The following COMMD10 variants were observed in gnomAD, a reference collection of about 807,000 sequenced individuals.
The protein encoded by COMMD10 is COMM domain-containing protein 10.
A neutral mutation model predicts 28.9 loss-of-function variants in COMMD10; 33 were observed. The observed-to-expected ratio is 1.14, with a 90% CI of 0.87 to 1.53. The LOEUF (loss-of-function observed/expected upper bound fraction) is 1.53. Among genes scored for constraint, COMMD10 ranks in the 40% most tolerant of loss-of-function variants. COMMD10 has a pLI of 0.00. For synonymous variants in COMMD10, 110 were observed against 81.7 expected, an observed-to-expected ratio of 1.35 and a Z score of -1.87; for missense variants, 310 against 233.4, an observed-to-expected ratio of 1.33 and a Z score of -2.14.
intron 5 of COMMD10, among the ~76,000 whole-genome samples, chr5:116,152,429 A>T (rs1320339295): frequency 6.6e-6 from 1 of 152,046 alleles, no homozygotes; most frequent in Non-Finnish European, 1.5e-5. Flanking sequence ...GCAGTGTGCC[A>T]ACTGTAAATG....
intron 4 of COMMD10, among the ~76,000 whole-genome samples, chr5:116,132,862 G>A (rs1015552599): frequency 1.3e-5 from 2 of 152,048 alleles, no homozygotes; most frequent in African/African-American, 2.4e-5. Context: ...TTATTATAGA[G>A]ATATTATAGA....
chr5:116,207,229 T>G (rs1237350864), intron 5 of COMMD10, among the ~76,000 whole-genome samples: 1 of 152,208 alleles, frequency 6.6e-6, no homozygotes, highest in Non-Finnish European at 1.5e-5. Context: ...AGGCATTTAA[T>G]TTTTAGGAGT....
At chr5:116,176,190 C>T (rs1170483721) in intron 5 of COMMD10, among the ~76,000 whole-genome samples, 1 of 152,192 alleles carries the variant, frequency 6.6e-6, no homozygotes, top group Non-Finnish European at 1.5e-5. Context: ...TGGTTCTCTG[C>T]AACCTCCACC....
At chr5:116,237,674 G>A (rs946763780) in intron 5 of COMMD10, among the ~76,000 whole-genome samples, 1 of 152,132 alleles carries the variant, frequency 6.6e-6, no homozygotes, top group Non-Finnish European at 1.5e-5. Flanking sequence ...TTTTTAAGCT[G>A]AAGTACTCTT....
At chr5:116,200,872 C>A (rs561445736) in intron 5 of COMMD10, among the ~76,000 whole-genome samples, 1 of 152,202 alleles carries the variant, frequency 6.6e-6, no homozygotes, top group Non-Finnish European at 1.5e-5. Context: ...TCTTATGATT[C>A]CAACATCCCT....
intron 5 of COMMD10, among the ~76,000 whole-genome samples, chr5:116,266,002 A>G (rs1282280827): frequency 6.6e-6 from 1 of 151,770 alleles, no homozygotes; most frequent in Non-Finnish European, 1.5e-5. Flanking sequence ...TGGCTCAAAT[A>G]TGGAAGACAT....
intron 5 of COMMD10, among the ~76,000 whole-genome samples, chr5:116,283,048 A>G (rs952624500): frequency 6.6e-6 from 1 of 151,862 alleles, no homozygotes; most frequent in African/African-American, 2.4e-5. Flanking sequence ...GACTAAGAAA[A>G]ATGTTATCCT....
At chr5:116,265,546 C>T (rs1055115081) in intron 5 of COMMD10, among the ~76,000 whole-genome samples, 1 of 151,666 alleles carries the variant, frequency 6.6e-6, no homozygotes, top group Non-Finnish European at 1.5e-5. Context: ...TTCCATACGG[C>T]TTTATTTTCC....
At chr5:116,258,417 G>C (rs956014174) in intron 5 of COMMD10, among the ~76,000 whole-genome samples, 2 of 150,926 alleles carry the variant, frequency 1.3e-5, no homozygotes, top group Non-Finnish European at 2.9e-5. Flanking sequence ...CACTACTATT[G>C]GACACCACCA....
chr5:116,257,221 A>G (rs4577737), intron 5 of COMMD10, among the ~76,000 whole-genome samples: 2 of 151,342 alleles, frequency 1.3e-5, no homozygotes, highest in African/African-American at 4.9e-5. Context: ...GGAATTTTCT[A>G]CTTGTAGTGT....
intron 4 of COMMD10, among the ~76,000 whole-genome samples, chr5:116,108,868 G>T (rs763076809): frequency 6.6e-6 from 1 of 152,134 alleles, no homozygotes; most frequent in African/African-American, 2.4e-5. Flanking sequence ...TGTGAAGACC[G>T]TGGGAAAAGC....
At chr5:116,087,616 T>A (rs2112705174) in intron 2 of COMMD10, 29 bp downstream of exon 2, 1 of 1,389,376 alleles carries the variant, frequency 7.2e-7, no homozygotes, top group East Asian at 2.3e-5. Context: ...CCATGCCTTG[T>A]AATCTTCCTT....
chr5:116,096,464 CTAAT>C (rs747162300), intron 4 of COMMD10, among the ~76,000 whole-genome samples: 36 of 151,868 alleles, frequency 2.4e-4, no homozygotes, highest in South Asian at 4.1e-4. Flanking sequence ...GGTAAATTCA[CTAAT>C]TAGTTTTAGC....
chr5:116,097,475 A>G (rs1488337393), intron 4 of COMMD10, among the ~76,000 whole-genome samples: 1 of 152,180 alleles, frequency 6.6e-6, no homozygotes, highest in Non-Finnish European at 1.5e-5. Flanking sequence ...CTGAGTTGGG[A>G]TTTGACAAGA....
rs1322112424 is a variant in COMMD10 at position 116,267,719 on chromosome 5, C to G, written c.511-23798C>G. ...GACTATACTACAAGGCTACAGTAAC[C>G]AAAACAGCATGGTACTGGTACCAAA... On this transcript the variant is annotated intron_variant, in intron 5 of 6. Coordinates refer to ENST00000274458, the MANE Select transcript of COMMD10 (RefSeq NM_016144.4). 4.6e-5 allele frequency among the ~76,000 whole-genome samples: 7 copies of G among 151,874 alleles called. 1 individual carries two copies. Among genetic ancestry groups the G allele is most frequent in the African/African-American group, 1.5e-4 (6 of 41,176 alleles).
In COMMD10 at chr5:116,105,893, G is replaced by A. The variant is rs533898296; in HGVS notation, c.399+13193G>A. Among the ~76,000 whole-genome samples the A allele has an allele frequency of 2.0e-5, 3 of 151,022 alleles. No individual in the cohort carries two copies. The South Asian group carries it at 6.3e-4, about 32-fold the overall frequency. ...GCTAAGGGTCTGTGTATTTTGTTGA[G>A]CTTTTCAAAAAACCAGCTCCTGGAT... On this transcript the variant is annotated intron_variant, in intron 4 of 6. Transcript: ENST00000274458.
chr5:116,248,437 C>G (rs1341768028), intron 5 of COMMD10, among the ~76,000 whole-genome samples: 14 of 151,942 alleles, frequency 9.2e-5, no homozygotes, highest in Non-Finnish European at 1.3e-4. Flanking sequence ...TTATTTACAA[C>G]AAAGACTCCG....
At chr5:116,258,627 A>G (rs554677701) in intron 5 of COMMD10, among the ~76,000 whole-genome samples, 2 of 151,906 alleles carry the variant, frequency 1.3e-5, no homozygotes, top group African/African-American at 4.8e-5. Context: ...TGAAAATACT[A>G]TTCTATTGAC....
intron 5 of COMMD10, among the ~76,000 whole-genome samples, chr5:116,176,418 CTTAT>C (rs1753513923): frequency 6.6e-6 from 1 of 152,160 alleles, no homozygotes; most frequent in East Asian, 1.9e-4. Flanking sequence ...TCAGCCTGGA[CTTAT>C]TCACTGTTCT....
Sources: allele counts gnomAD v4.1 joint callset (sites outside exome capture counted in the v4.1 genomes callset), GRCh38; gene constraint gnomAD v4.1.1; transcripts MANE v1.5; gene names NCBI Gene and HGNC (gene_info 2026-07-23, HGNC 2026-07-21).